The following AOPEP variants were observed in gnomAD, a reference collection of about 807,000 sequenced individuals.
AOPEP encodes aminopeptidase O.
Under a neutral mutation model 98.1 loss-of-function variants are expected in AOPEP, and 77 were observed. That is an observed-to-expected ratio of 0.78 (90% confidence interval 0.65 to 0.95). The LOEUF (loss-of-function observed/expected upper bound fraction) is 0.95, where lower values mean the gene tolerates loss of function less well. Ranked by LOEUF, AOPEP falls within the 40% of genes least tolerant of loss-of-function variation. The pLI is 0.00. For synonymous variants in AOPEP, 346 were observed against 365.3 expected, an observed-to-expected ratio of 0.95 and a Z score of 0.60; for missense variants, 1,024 against 1,024.7, an observed-to-expected ratio of 1.00 and a Z score of 0.01.
intron 4 of AOPEP, among the ~76,000 whole-genome samples, chr9:94,799,394 C>T (rs1442445751): frequency 6.6e-6 from 1 of 150,806 alleles, no homozygotes; most frequent in Non-Finnish European, 1.5e-5. Context: ...ATCTCCAGAC[C>T]CCATCTCTTA....
intron 1 of AOPEP, among the ~76,000 whole-genome samples, chr9:94,739,825 C>T (rs1275258398): frequency 1.3e-5 from 2 of 152,094 alleles, no homozygotes; most frequent in Non-Finnish European, 2.9e-5. Flanking sequence ...GAAACCCCTC[C>T]TTTCTACCAC....
At chr9:94,971,524 A>AC (rs1459036596) in intron 10 of AOPEP, among the ~76,000 whole-genome samples, 1 of 151,818 alleles carries the variant, frequency 6.6e-6, no homozygotes, top group African/African-American at 2.4e-5. Flanking sequence ...CCCCACACCT[A>AC]CCCCCCGGAG....
intron 6 of AOPEP, among the ~76,000 whole-genome samples, chr9:94,924,984 C>T (rs979602572): frequency 8.6e-5 from 13 of 151,918 alleles, no homozygotes; most frequent in Middle Eastern, 3.2e-3. Context: ...TTTCAAGTTC[C>T]TATTTTTGTT....
chr9:95,136,862 T>C, the AOPEP span, among the ~76,000 whole-genome samples: 1 of 152,168 alleles, frequency 6.6e-6, no homozygotes, highest in Non-Finnish European at 1.5e-5. Context: ...GAATTGGGGC[T>C]CCACTTCCCC....
chr9:94,803,098 A>G (rs1020004394), intron 5 of AOPEP, among the ~76,000 whole-genome samples: 4 of 152,292 alleles, frequency 2.6e-5, no homozygotes, highest in South Asian at 2.1e-4. Context: ...AGTCAACTTC[A>G]TACCCTAAAC....
At chr9:94,850,097 C>T (rs984934881) in intron 5 of AOPEP, among the ~76,000 whole-genome samples, 1 of 151,572 alleles carries the variant, frequency 6.6e-6, no homozygotes, top group Admixed American at 6.6e-5. Flanking sequence ...AGAGCTCAGG[C>T]GAGAATGCTC....
chr9:94,742,333 T>C lies in AOPEP; in HGVS notation c.-136+15582T>C, dbSNP rs58243774. Among the ~76,000 whole-genome samples, 976 of 152,270 alleles carry C rather than the reference T, an allele frequency of 6.4e-3. 6 individuals are homozygous for C. Among genetic ancestry groups the C allele is most frequent in the African/African-American group, 0.023 (943 of 41,542 alleles). Reference sequence around the variant, plus strand: ...TCAAGGCCTCTAGAGCTGTGCTCCTTGATGAGTAGCCCACCAACCAGTGCC... The same window carrying C: ...TCAAGGCCTCTAGAGCTGTGCTCCTCGATGAGTAGCCCACCAACCAGTGCC... On this transcript the variant is annotated intron_variant, in intron 1 of 16. Coordinates refer to ENST00000375315, the MANE Select transcript of AOPEP (RefSeq NM_001193329.3).
intron 5 of AOPEP, among the ~76,000 whole-genome samples, chr9:94,885,680 C>G (rs960103554): frequency 4.6e-5 from 7 of 152,060 alleles, no homozygotes; most frequent in African/African-American, 7.3e-5. Flanking sequence ...CAAGCCAAAA[C>G]CCATCCATAA....
intron 5 of AOPEP, among the ~76,000 whole-genome samples, chr9:94,830,164 T>C (rs1273861729): frequency 2.6e-5 from 4 of 152,198 alleles, no homozygotes; most frequent in Non-Finnish European, 5.9e-5. Flanking sequence ...CCAGCATGCA[T>C]TAACTATTCT....
At chr9:94,931,775 A>T (rs1419548692) in intron 7 of AOPEP, 17 of 1,550,214 alleles carry the variant, frequency 1.1e-5, no homozygotes, top group Middle Eastern at 1.7e-4. Context: ...ACACTGTTCA[A>T]CATGTTTGAC....
Position 95,086,864 on chromosome 9 carries a change from G to T in AOPEP, c.*187G>T. On this transcript the variant is annotated 3_prime_UTR_variant, in exon 17 of 17. Transcript: ENST00000375315. ...CCCAGCCAGGCACACACAAAAGGCAGATTCTCGTAAACGCAGCCTCCCTCC... is the reference window on the plus strand; with the variant it reads ...CCCAGCCAGGCACACACAAAAGGCATATTCTCGTAAACGCAGCCTCCCTCC... 2 of 987,978 alleles carry T rather than the reference G, an allele frequency of 2.0e-6. No individual in the cohort carries two copies. Among genetic ancestry groups the T allele is most frequent in the African/African-American group, 3.5e-5 (2 of 57,428 alleles). 61.2% of individuals were successfully genotyped at this position (987,978 alleles called of 1,614,324 possible).
chr9:94,735,341 C>T (rs1402886968), intron 1 of AOPEP, among the ~76,000 whole-genome samples: 1 of 152,226 alleles, frequency 6.6e-6, no homozygotes, highest in Non-Finnish European at 1.5e-5. Context: ...CTGCCTCAGC[C>T]TCGCAAGTAG....
chr9:95,098,444 T>A, the AOPEP span, among the ~76,000 whole-genome samples: 3 of 152,170 alleles, frequency 2.0e-5, no homozygotes, highest in Non-Finnish European at 1.5e-5. Flanking sequence ...CCATGGCTGC[T>A]CCAGTGAGAG....
intron 5 of AOPEP, among the ~76,000 whole-genome samples, chr9:94,847,321 C>T (rs1442581432): frequency 6.6e-6 from 1 of 152,104 alleles, no homozygotes; most frequent in African/African-American, 2.4e-5. Context: ...TTCCATTCAC[C>T]TAAGGAGTTT....
intron 1 of AOPEP, among the ~76,000 whole-genome samples, chr9:94,740,119 G>C (rs1832740284): frequency 6.6e-6 from 1 of 152,152 alleles, no homozygotes; most frequent in South Asian, 2.1e-4. Context: ...GAAAGAGTTG[G>C]GGGAAGCATG....
At chr9:94,731,376 C>T (rs553982149) in intron 1 of AOPEP, among the ~76,000 whole-genome samples, 17 of 151,720 alleles carry the variant, frequency 1.1e-4, no homozygotes, top group Non-Finnish European at 1.8e-4. Flanking sequence ...TACAGGCGTC[C>T]GCCACCATGC....
downstream of AOPEP, among the ~76,000 whole-genome samples, chr9:95,087,405 C>T (rs1162931960): frequency 2.7e-5 from 4 of 147,980 alleles, no homozygotes; most frequent in African/African-American, 1.0e-4. Context: ...ATCGCTTGAA[C>T]CCAGGAGGTG....
chr9:94,758,225 A>T (rs1229921101), intron 1 of AOPEP, among the ~76,000 whole-genome samples: 4 of 152,226 alleles, frequency 2.6e-5, no homozygotes, highest in Non-Finnish European at 5.9e-5. Context: ...GGGTTAGTCC[A>T]AAAGGCACTG....
At chr9:95,014,115 A>G (rs1354907342) in intron 13 of AOPEP, among the ~76,000 whole-genome samples, 3 of 152,192 alleles carry the variant, frequency 2.0e-5, no homozygotes, top group African/African-American at 4.8e-5. Context: ...GTTTCTTGTT[A>G]TTAGGAACTT....
Sources: gnomAD v4.1 joint callset for allele counts (sites outside exome capture counted in the v4.1 genomes callset) on GRCh38, gnomAD v4.1.1 for gene constraint, MANE v1.5 for transcripts, NCBI Gene and HGNC (gene_info 2026-07-23, HGNC 2026-07-21) for gene names.